Variants in NXNL2 observed in about 807,000 individuals in gnomAD.
NXNL2 encodes nucleoredoxin like 2.
NXNL2 carries 7 observed loss-of-function variants against 11.1 expected under a neutral mutation model. The observed-to-expected ratio is 0.63, with a 90% CI of 0.36 to 1.18. The LOEUF (loss-of-function observed/expected upper bound fraction) is 1.18. NXNL2 is among the 50% of genes most tolerant of loss of function. NXNL2 has a pLI of 0.02. For missense variants in NXNL2, 233 were observed against 217.7 expected, an observed-to-expected ratio of 1.07 and a Z score of -0.44; for synonymous variants, 109 against 101.8, an observed-to-expected ratio of 1.07 and a Z score of -0.42.
intron 1 of NXNL2, among the ~76,000 whole-genome samples, chr9:88,562,103 C>T (rs2104792): frequency 6.6e-6 from 1 of 152,058 alleles, no homozygotes; most frequent in Admixed American, 6.5e-5. Flanking sequence ...CATGATACTA[C>T]ACAGGGACAA....
chr9:88,575,199 C>T (rs1032496826), exon 3 of NXNL2: 6 of 980,672 alleles, frequency 6.1e-6, no homozygotes, highest in Admixed American at 6.2e-5. Flanking sequence ...AGTCTGTGCT[C>T]ATTAACAATG....
At chr9:88,577,304 G>T (rs576365587), downstream of NXNL2, among the ~76,000 whole-genome samples, 26 of 152,030 alleles carry the variant, frequency 1.7e-4, 1 homozygote, top group African/African-American at 6.0e-4. Context: ...ACTGGGCGGG[G>T]GGGGCGGCAT....
At chr9:88,541,390 A>G (rs951800206) in intron 1 of NXNL2, among the ~76,000 whole-genome samples, 1 of 151,742 alleles carries the variant, frequency 6.6e-6, no homozygotes, top group Non-Finnish European at 1.5e-5. Context: ...CCTCCCAAGT[A>G]GCTGGGACTA....
At chr9:88,555,324 T>C (rs952923243) in intron 1 of NXNL2, among the ~76,000 whole-genome samples, 1 of 152,202 alleles carries the variant, frequency 6.6e-6, no homozygotes, top group African/African-American at 2.4e-5. Context: ...AAACTGGTGG[T>C]GAATCCTCAA....
At chr9:88,582,297 G>T (rs1421857171) in intron 1 of NXNL2, among the ~76,000 whole-genome samples, 1 of 152,058 alleles carries the variant, frequency 6.6e-6, no homozygotes, top group Non-Finnish European at 1.5e-5. Flanking sequence ...GTGAAACCCT[G>T]TCTCTGCTAA....
At chr9:88,546,943 T>C (rs1829853814), downstream of NXNL2, among the ~76,000 whole-genome samples, 2 of 152,214 alleles carry the variant, frequency 1.3e-5, no homozygotes, top group African/African-American at 4.8e-5. Context: ...ATATGTCCCC[T>C]AAAGTCACCA....
chr9:88,563,231 T>C (rs933752608), intron 1 of NXNL2, among the ~76,000 whole-genome samples: 3 of 152,256 alleles, frequency 2.0e-5, no homozygotes, highest in African/African-American at 7.2e-5. Context: ...CTCGTGCACA[T>C]GCATGCTCAC....
chr9:88,580,175 T>C (rs550986916), downstream of NXNL2, among the ~76,000 whole-genome samples: 27 of 148,698 alleles, frequency 1.8e-4, no homozygotes, highest in South Asian at 5.9e-3. Context: ...TTTTTTGAGA[T>C]GGAGTTTCAC....
intron 1 of NXNL2, among the ~76,000 whole-genome samples, chr9:88,563,501 C>T (rs1398528662): frequency 6.6e-6 from 1 of 152,216 alleles, no homozygotes; most frequent in Non-Finnish European, 1.5e-5. Flanking sequence ...CGCCCCTCAG[C>T]CTCTCACTTG....
At chr9:88,581,533 G>T (rs916251508) in intron 1 of NXNL2, among the ~76,000 whole-genome samples, 1 of 152,024 alleles carries the variant, frequency 6.6e-6, no homozygotes, top group Middle Eastern at 3.2e-3. Flanking sequence ...TGCCTCGTAG[G>T]TTCAAGCGAT....
downstream of NXNL2, among the ~76,000 whole-genome samples, chr9:88,577,662 G>A (rs12347991): frequency 3.4e-3 from 516 of 152,212 alleles, 6 homozygotes; most frequent in African/African-American, 0.012. Flanking sequence ...GCGAGCGAGC[G>A]CAGCACCGTG....
intron 1 of NXNL2, among the ~76,000 whole-genome samples, chr9:88,556,519 G>T (rs1381204350): frequency 6.6e-6 from 1 of 152,178 alleles, no homozygotes. Flanking sequence ...GGCTCAGAAT[G>T]GGGGAGTGTG....
chr9:88,547,551 G>A (rs913855375), downstream of NXNL2, among the ~76,000 whole-genome samples: 2 of 152,188 alleles, frequency 1.3e-5, no homozygotes, highest in Admixed American at 6.5e-5. Flanking sequence ...GACTTAGGCC[G>A]AATTTACAAA....
intron 1 of NXNL2, among the ~76,000 whole-genome samples, chr9:88,552,071 C>A (rs1829939363): frequency 3.3e-5 from 5 of 152,158 alleles, no homozygotes; most frequent in Admixed American, 3.3e-4. Context: ...ATTACTACTT[C>A]AAGGGGGCTT....
In NXNL2 at chr9:88,563,263, C is replaced by T. The variant is rs186437831; in HGVS notation, c.303-7824C>T. On this transcript the variant is annotated intron_variant, in intron 1 of 2. Transcript: ENST00000375855. ...TCACACATATGTGTGTACACACACA[C>T]GTGTGTGCACTTGGCGACTTTCTAT... 9.0e-3 allele frequency among the ~76,000 whole-genome samples: 1,369 copies of T among 152,314 alleles called. 17 individuals carry two copies. The highest frequency in any genetic ancestry group is 0.023 in the Admixed American group (357 of 15,304).
downstream of NXNL2, among the ~76,000 whole-genome samples, chr9:88,549,341 G>A (rs553779552): frequency 6.6e-6 from 1 of 152,256 alleles, no homozygotes; most frequent in African/African-American, 2.4e-5. Context: ...CCTGCATTGA[G>A]TTTCTCTTTC....
At chr9:88,541,445 G>T (rs939062202) in intron 1 of NXNL2, among the ~76,000 whole-genome samples, 1 of 151,996 alleles carries the variant, frequency 6.6e-6, no homozygotes, top group African/African-American at 2.4e-5. Context: ...TTATTTTGTG[G>T]AGACAGGGTC....
downstream of NXNL2, among the ~76,000 whole-genome samples, chr9:88,548,339 CAAAAAAAAAAAAAA>C (rs60796870): frequency 2.3e-3 from 72 of 31,032 alleles, 1 homozygote; most frequent in African/African-American, 6.5e-3. Flanking sequence ...GACTTTTTCT[CAAAAAAAAAAAAAA>C]AAAAAAAAAA....
At position 88,544,859 on chromosome 9, in the gene NXNL2, C is replaced by T. The variant is rs895366720; in HGVS notation, c.*312C>T. On this transcript the variant is annotated 3_prime_UTR_variant, in exon 2 of 2. Coordinates refer to ENST00000375854, the MANE Select transcript of NXNL2 (RefSeq NM_001161625.2). Reference sequence around the variant, plus strand: ...AATCTATGCAAGACATTTATTTGTACAAGTCTCTTCAGGTAAAATAATATA... The same window carrying T: ...AATCTATGCAAGACATTTATTTGTATAAGTCTCTTCAGGTAAAATAATATA... 1 of 1,037,286 alleles carries T rather than the reference C, an allele frequency of 9.6e-7. No individual in the cohort carries two copies. The highest frequency in any genetic ancestry group is 1.7e-5 in the African/African-American group (1 of 59,190). 64.3% of individuals were successfully genotyped at this position (1,037,286 alleles called of 1,614,324 possible).
Sources: allele counts gnomAD v4.1 joint callset (sites outside exome capture counted in the v4.1 genomes callset), GRCh38; gene constraint gnomAD v4.1.1; transcripts MANE v1.5; gene names NCBI Gene and HGNC (gene_info 2026-07-23, HGNC 2026-07-21).